The following LRP1B variants were observed in gnomAD, a reference collection of about 807,000 sequenced individuals.
LRP1B encodes the protein low-density lipoprotein receptor-related protein 1B.
In LRP1B, 217 loss-of-function variants were observed where a neutral mutation model predicts 556.6. The ratio of observed to expected loss-of-function variants is 0.39; its 90% confidence interval spans 0.35 to 0.44. LRP1B has a LOEUF of 0.44. LRP1B is among the 20% of genes least tolerant of loss of function. The probability of loss-of-function intolerance (pLI) is 1.00; values close to 1 mark genes in which losing one functional copy is unlikely to be tolerated. For missense variants in LRP1B, 5,053 were observed against 5,620.8 expected, an observed-to-expected ratio of 0.90 and a Z score of 3.23; for synonymous variants, 2,047 against 1,865.8, an observed-to-expected ratio of 1.10 and a Z score of -2.50.
chr2:141,532,256 G>C (rs1005663361), intron 2 of LRP1B, among the ~76,000 whole-genome samples: 4 of 151,632 alleles, frequency 2.6e-5, no homozygotes, highest in Admixed American at 1.3e-4. Flanking sequence ...GTAGGTATGA[G>C]TAGGATTCAT....
chr2:141,389,112 A>C (rs527332952), intron 3 of LRP1B, among the ~76,000 whole-genome samples: 1 of 152,326 alleles, frequency 6.6e-6, no homozygotes, highest in East Asian at 1.9e-4. Flanking sequence ...GCTTTTTTAC[A>C]GAAATAGAAA....
At chr2:140,774,623 G>A (rs1038995917) in intron 33 of LRP1B, among the ~76,000 whole-genome samples, 5 of 152,042 alleles carry the variant, frequency 3.3e-5, no homozygotes, top group African/African-American at 1.2e-4. Flanking sequence ...GATCTCATAT[G>A]TATGCGTTAT....
intron 3 of LRP1B, among the ~76,000 whole-genome samples, chr2:141,277,731 G>A (rs1398411071): frequency 2.7e-5 from 4 of 150,332 alleles, no homozygotes; most frequent in Non-Finnish European, 5.9e-5. Flanking sequence ...TGACACCCAG[G>A]GAAAGAATGT....
intron 18 of LRP1B, among the ~76,000 whole-genome samples, chr2:140,961,776 T>C (rs1043189226): frequency 6.6e-6 from 1 of 152,108 alleles, no homozygotes; most frequent in Non-Finnish European, 1.5e-5. Context: ...TTAAAGCTTT[T>C]AAAACTTTAA....
chr2:141,607,379 C>T (rs907265277), intron 2 of LRP1B, among the ~76,000 whole-genome samples: 2 of 152,128 alleles, frequency 1.3e-5, no homozygotes, highest in African/African-American at 4.8e-5. Context: ...CTGACACATC[C>T]TTAAGCTTTC....
chr2:141,857,512 AT>A (rs1327443775), intron 1 of LRP1B, among the ~76,000 whole-genome samples: 2 of 151,188 alleles, frequency 1.3e-5, no homozygotes, highest in Non-Finnish European at 3.0e-5. Flanking sequence ...TAAAAAAAAA[AT>A]TTTTGTAGAC....
chr2:140,716,330 T>A (rs1416944373), intron 36 of LRP1B, among the ~76,000 whole-genome samples: 1 of 152,086 alleles, frequency 6.6e-6, no homozygotes, highest in Non-Finnish European at 1.5e-5. Flanking sequence ...ATGATATATT[T>A]ACATGGTAAA....
intron 2 of LRP1B, among the ~76,000 whole-genome samples, chr2:141,708,327 T>C (rs554519013): frequency 1.3e-5 from 2 of 152,230 alleles, no homozygotes; most frequent in East Asian, 3.9e-4. Flanking sequence ...AGATGTCTTC[T>C]GGATGCCAGA....
intron 5 of LRP1B, among the ~76,000 whole-genome samples, chr2:141,231,522 T>C (rs565195855): frequency 4.0e-4 from 61 of 152,272 alleles, no homozygotes; most frequent in Middle Eastern, 3.4e-3. Flanking sequence ...GATGGTCCAG[T>C]GGCTGCAGCC....
At chr2:140,962,705 T>C (rs1696072786) in intron 18 of LRP1B, among the ~76,000 whole-genome samples, 1 of 152,204 alleles carries the variant, frequency 6.6e-6, no homozygotes. Flanking sequence ...GATTCAAATA[T>C]GGACATCTTC....
chr2:141,824,941 G>A (rs1696873812), intron 1 of LRP1B, among the ~76,000 whole-genome samples: 1 of 152,168 alleles, frequency 6.6e-6, no homozygotes. Context: ...TAGATAGTGA[G>A]GGAGTTCTCA....
intron 43 of LRP1B, among the ~76,000 whole-genome samples, chr2:140,557,905 A>T (rs1680791521): frequency 6.6e-6 from 1 of 152,140 alleles, no homozygotes; most frequent in Non-Finnish European, 1.5e-5. Flanking sequence ...TCCCAGGAAT[A>T]TATTCTTCTT....
chr2:140,393,062 C>G (rs1684093183), intron 66 of LRP1B, among the ~76,000 whole-genome samples: 1 of 151,902 alleles, frequency 6.6e-6, no homozygotes, highest in African/African-American at 2.4e-5. Flanking sequence ...CCCAAGTAGC[C>G]TGGACTACGC....
chr2:141,819,133 G>A (rs1439037445), intron 1 of LRP1B, among the ~76,000 whole-genome samples: 1 of 151,672 alleles, frequency 6.6e-6, no homozygotes, highest in Non-Finnish European at 1.5e-5. Flanking sequence ...AGCTACTCAG[G>A]AGGCAGAGGG....
chr2:141,002,964 TA>T (rs1236121506), intron 15 of LRP1B, among the ~76,000 whole-genome samples: 1 of 151,946 alleles, frequency 6.6e-6, no homozygotes, highest in Non-Finnish European at 1.5e-5. Context: ...ATGAGAAAAG[TA>T]GTAGAAAAGA....
Position 142,031,330 on chromosome 2 carries a change from A to ATTTTT in LRP1B, c.82+99313_82+99317dup, listed in dbSNP as rs560363480. The stretch of plus-strand genomic sequence containing the variant: ...ATTTAGAGAAAGGTTGATTATACTT[A>ATTTTT]TTTTTTTTTTTTTTTTTTATTATAC... On this transcript the variant is annotated intron_variant, in intron 1 of 90. Transcript: ENST00000389484. Among the ~76,000 whole-genome samples the ATTTTT allele has an allele frequency of 3.5e-3, 407 of 117,000 alleles. 19 individuals are homozygous for ATTTTT. Among genetic ancestry groups the ATTTTT allele is most frequent in the African/African-American group, 0.011 (357 of 33,920 alleles). The allele number at this position is 117,000 out of a possible 152,430, so 76.8% of individuals were successfully genotyped here. A position where few individuals can be genotyped will look rare whatever the true frequency, so the allele number is the denominator to read the frequency against.
At chr2:141,386,230 C>G (rs1467069114) in intron 3 of LRP1B, among the ~76,000 whole-genome samples, 1 of 152,098 alleles carries the variant, frequency 6.6e-6, no homozygotes, top group Non-Finnish European at 1.5e-5. Flanking sequence ...TATGCACATG[C>G]AAATACTTTA....
At chr2:141,203,088 G>T (rs1682112243) in intron 6 of LRP1B, among the ~76,000 whole-genome samples, 1 of 152,056 alleles carries the variant, frequency 6.6e-6, no homozygotes, top group African/African-American at 2.4e-5. Flanking sequence ...CAAAAACATA[G>T]CAAATTGTAA....
chr2:140,581,010 A>T (rs994270110), intron 43 of LRP1B, among the ~76,000 whole-genome samples: 2 of 152,240 alleles, frequency 1.3e-5, no homozygotes, highest in Admixed American at 1.3e-4. Flanking sequence ...GCAGCAATAA[A>T]TCAAAAGAAC....
Sources: gnomAD v4.1 joint callset for allele counts (sites outside exome capture counted in the v4.1 genomes callset) on GRCh38, gnomAD v4.1.1 for gene constraint, MANE v1.5 for transcripts, NCBI Gene and HGNC (gene_info 2026-07-23, HGNC 2026-07-21) for gene names.